Variants in RBFOX1 observed in about 807,000 individuals in gnomAD.
RBFOX1 encodes RNA binding protein fox-1 homolog 1.
Under a neutral mutation model 57.7 loss-of-function variants are expected in RBFOX1, and 8 were observed. The ratio of observed to expected loss-of-function variants is 0.14; its 90% CI spans 0.08 to 0.25. The LOEUF (loss-of-function observed/expected upper bound fraction) is 0.25. Ranked by LOEUF, RBFOX1 falls within the 10% of genes least tolerant of loss-of-function variation. The pLI is 1.00. For missense variants in RBFOX1, 611 were observed against 548.5 expected, an observed-to-expected ratio of 1.11 and a Z score of -1.14; for synonymous variants, 326 against 222.4, an observed-to-expected ratio of 1.47 and a Z score of -4.15.
chr16:6,309,443 C>G (rs770959952), intron 1 of RBFOX1, among the ~76,000 whole-genome samples: 2 of 152,112 alleles, frequency 1.3e-5, no homozygotes. Flanking sequence ...CAAACTTGCC[C>G]CTTGGGTTTT....
At chr16:7,627,975 A>G (rs761521428) in intron 10 of RBFOX1, among the ~76,000 whole-genome samples, 1 of 151,946 alleles carries the variant, frequency 6.6e-6, no homozygotes, top group Non-Finnish European at 1.5e-5. Context: ...CCAGGTTCTC[A>G]GAATCCACAG....
chr16:6,584,223 T>A (rs2097574740), intron 2 of RBFOX1, among the ~76,000 whole-genome samples: 1 of 151,764 alleles, frequency 6.6e-6, no homozygotes, highest in Non-Finnish European at 1.5e-5. Flanking sequence ...AGATGAAGTT[T>A]TAGGGCCCAT....
chr16:7,118,606 A>G (rs551083978), intron 4 of RBFOX1, among the ~76,000 whole-genome samples: 4 of 152,248 alleles, frequency 2.6e-5, no homozygotes, highest in African/African-American at 7.2e-5. Context: ...ATAATCACAT[A>G]CATGTAATCA....
At chr16:6,912,315 C>G (rs1294467898) in intron 3 of RBFOX1, among the ~76,000 whole-genome samples, 1 of 152,066 alleles carries the variant, frequency 6.6e-6, no homozygotes, top group African/African-American at 2.4e-5. Context: ...CTGAATAGCT[C>G]TGGGGTGGAG....
chr16:5,740,093 C>T (rs936831793), intron 3 of RBFOX1, among the ~76,000 whole-genome samples: 14 of 152,228 alleles, frequency 9.2e-5, no homozygotes, highest in African/African-American at 3.4e-4. Flanking sequence ...GCAGTGGAGC[C>T]TCGTCCTGGG....
At chr16:6,177,339 G>C (rs774119955) in intron 1 of RBFOX1, among the ~76,000 whole-genome samples, 1 of 151,956 alleles carries the variant, frequency 6.6e-6, no homozygotes, top group Non-Finnish European at 1.5e-5. Context: ...CCTCTTCCCA[G>C]TGAAGTCTGT....
At chr16:5,558,065 G>A (rs562431982) in intron 2 of RBFOX1, among the ~76,000 whole-genome samples, 1 of 152,238 alleles carries the variant, frequency 6.6e-6, no homozygotes, top group Non-Finnish European at 1.5e-5. Flanking sequence ...CCCGCTTCCA[G>A]CTCCCCATCC....
intron 4 of RBFOX1, among the ~76,000 whole-genome samples, chr16:7,489,363 A>C (rs531535798): frequency 6.6e-6 from 1 of 152,372 alleles, no homozygotes; most frequent in African/African-American, 2.4e-5. Context: ...AATAGCAAAT[A>C]TTAATCTCTT....
chr16:6,202,918 G>A (rs1598334733), intron 1 of RBFOX1, among the ~76,000 whole-genome samples: 1 of 152,134 alleles, frequency 6.6e-6, no homozygotes, highest in African/African-American at 2.4e-5. Context: ...GACTACAGGT[G>A]CATGCCACCA....
chr16:6,658,850 G>C (rs1264531911), intron 3 of RBFOX1, among the ~76,000 whole-genome samples: 1 of 152,076 alleles, frequency 6.6e-6, no homozygotes, highest in Non-Finnish European at 1.5e-5. Context: ...GTGTCCTAGG[G>C]AGATCCTAAG....
At chr16:5,415,476 T>C (rs1040964039) in intron 1 of RBFOX1, among the ~76,000 whole-genome samples, 2 of 152,156 alleles carry the variant, frequency 1.3e-5, no homozygotes, top group Non-Finnish European at 2.9e-5. Context: ...TATCACACGG[T>C]GATGGAGCCT....
intron 2 of RBFOX1, among the ~76,000 whole-genome samples, chr16:6,566,866 A>G (rs936251971): frequency 6.6e-6 from 1 of 152,200 alleles, no homozygotes; most frequent in African/African-American, 2.4e-5. Flanking sequence ...GCTAGATTTC[A>G]TGGACTTTGA....
intron 1 of RBFOX1, among the ~76,000 whole-genome samples, chr16:5,380,910 AT>A (rs1485306166): frequency 2.0e-5 from 3 of 152,254 alleles, no homozygotes; most frequent in Non-Finnish European, 4.4e-5. Context: ...GAGATAAAGA[AT>A]GCTTTGTGAT....
chr16:7,625,863 C>T (rs917515353), intron 10 of RBFOX1, among the ~76,000 whole-genome samples: 2 of 152,202 alleles, frequency 1.3e-5, no homozygotes, highest in African/African-American at 4.8e-5. Flanking sequence ...TGGATTCTCA[C>T]TTCATTTGCT....
chr16:6,344,391 C>CTTTTTTCTT (rs974924967), intron 2 of RBFOX1, among the ~76,000 whole-genome samples: 1 of 94,424 alleles, frequency 1.1e-5, no homozygotes, highest in South Asian at 3.2e-4. Context: ...CTCTCTTCTT[C>CTTTTTTCTT]TTTTTTCTTT....
At chr16:7,660,153 T>A (rs1456133246) in intron 12 of RBFOX1, among the ~76,000 whole-genome samples, 2 of 152,190 alleles carry the variant, frequency 1.3e-5, no homozygotes, top group African/African-American at 2.4e-5. Context: ...ACTTTTTTTT[T>A]AAAGTAAACT....
intron 3 of RBFOX1, among the ~76,000 whole-genome samples, chr16:6,701,696 C>G (rs766399004): frequency 3.3e-5 from 5 of 152,122 alleles, no homozygotes; most frequent in African/African-American, 7.2e-5. Context: ...GACATGGAAT[C>G]AACCTGAATG....
At chr16:6,239,409 C>G (rs529231811) in intron 1 of RBFOX1, among the ~76,000 whole-genome samples, 2 of 151,474 alleles carry the variant, frequency 1.3e-5, no homozygotes, top group African/African-American at 4.9e-5. Flanking sequence ...CATGAATACC[C>G]GTCCCATGGC....
chr16:7,464,424 G>A (rs1035613900), intron 4 of RBFOX1, among the ~76,000 whole-genome samples: 13 of 151,972 alleles, frequency 8.6e-5, no homozygotes, highest in Non-Finnish European at 1.6e-4. Flanking sequence ...GCCACTGGAG[G>A]ATGGTGGTCA....
Sources: allele counts gnomAD v4.1 joint callset (sites outside exome capture counted in the v4.1 genomes callset), GRCh38; gene constraint gnomAD v4.1.1; transcripts MANE v1.5; gene names NCBI Gene and HGNC (gene_info 2026-07-23, HGNC 2026-07-21).